Variants in KPNA7 observed in about 807,000 individuals in gnomAD.
KPNA7 encodes the protein importin subunit alpha-8.
Under a neutral mutation model 53.7 loss-of-function variants are expected in KPNA7, and 54 were observed. The observed-to-expected ratio is 1.01, with a 90% confidence interval of 0.81 to 1.26. The LOEUF (loss-of-function observed/expected upper bound fraction) is 1.26. Ranked by LOEUF, KPNA7 falls within the 50% of genes most tolerant of loss-of-function variation. The pLI is 0.00. For synonymous variants in KPNA7, 276 were observed against 259.3 expected, an observed-to-expected ratio of 1.06 and a Z score of -0.62; for missense variants, 640 against 644.5, an observed-to-expected ratio of 0.99 and a Z score of 0.07.
chr7:99,194,998 C>G, intron 5 of KPNA7, 72 bp downstream of exon 5: 1 of 1,478,782 alleles, frequency 6.8e-7, no homozygotes, highest in Non-Finnish European at 9.1e-7. Flanking sequence ...TATACCCCAC[C>G]ACCCAAAGAA....
Position 99,203,157 on chromosome 7 carries a change from G to A in KPNA7, c.150C>T (p.Ile50=), listed in dbSNP as rs1189335432. 1 of 1,551,642 alleles carries A rather than the reference G, an allele frequency of 6.4e-7. No individual in the cohort carries two copies. Among genetic ancestry groups the A allele is most frequent in the Admixed American group, 2.0e-5 (1 of 50,970 alleles). The change falls in exon 3 of 11, where the codon ATC becomes ATT. Residue 50 remains isoleucine (I), a synonymous_variant. Transcript: ENST00000327442. ...KDEQTLKRRN[I]TSFCPDTPSE... is the part of the protein sequence containing the mutation. ...AAGGTGTGTCAGGGCAGAAGCTCGTGATATTCCTTCTCTTTAAGGTCTGTT... is the reference window on the plus strand; with the variant it reads ...AAGGTGTGTCAGGGCAGAAGCTCGTAATATTCCTTCTCTTTAAGGTCTGTT...
intron 6 of KPNA7, 46 bp downstream of exon 6, chr7:99,192,973 A>T: frequency 7.5e-7 from 1 of 1,340,396 alleles, no homozygotes; most frequent in East Asian, 2.6e-5. Context: ...GATTATTTTA[A>T]AATTTTAATT....
intron 1 of KPNA7, among the ~76,000 whole-genome samples, chr7:99,217,330 T>C (rs1344408528): frequency 6.6e-6 from 1 of 152,216 alleles, no homozygotes; most frequent in East Asian, 1.9e-4. Context: ...TGGACATCAT[T>C]TGATATCTGT....
At chr7:99,215,466 G>T (rs1439282968) in intron 1 of KPNA7, among the ~76,000 whole-genome samples, 1 of 149,930 alleles carries the variant, frequency 6.7e-6, no homozygotes, top group Non-Finnish European at 1.5e-5. Context: ...CTCAGCTGCA[G>T]ATGAGACAGG....
intron 7 of KPNA7, among the ~76,000 whole-genome samples, chr7:99,186,326 C>T (rs191070001): frequency 6.6e-6 from 1 of 152,270 alleles, no homozygotes; most frequent in Admixed American, 6.5e-5. Flanking sequence ...GTGGCAGCCC[C>T]AGTAAAGCCC....
chr7:99,168,355 T>A, the KPNA7 span, among the ~76,000 whole-genome samples: 1 of 152,152 alleles, frequency 6.6e-6, no homozygotes, highest in Non-Finnish European at 1.5e-5. Context: ...TAGCCAGCAC[T>A]CTGAGGGATG....
the KPNA7 span, among the ~76,000 whole-genome samples, chr7:99,150,374 C>T: frequency 6.6e-6 from 1 of 150,928 alleles, no homozygotes; most frequent in Non-Finnish European, 1.5e-5. Flanking sequence ...GCTGGGATTA[C>T]AGGCGCAGTG....
At chr7:99,197,013 T>A (rs1405905773) in intron 3 of KPNA7, among the ~76,000 whole-genome samples, 1 of 148,344 alleles carries the variant, frequency 6.7e-6, no homozygotes, top group Non-Finnish European at 1.5e-5. Context: ...GCTATGCATA[T>A]GCTTAAAAAC....
At chr7:99,161,100 G>A in the KPNA7 span, among the ~76,000 whole-genome samples, 1 of 152,120 alleles carries the variant, frequency 6.6e-6, no homozygotes, top group Non-Finnish European at 1.5e-5. Context: ...AACCTCAAGT[G>A]ACGTGCTCAC....
downstream of KPNA7, among the ~76,000 whole-genome samples, chr7:99,173,075 A>G (rs1366891433): frequency 4.6e-5 from 7 of 151,586 alleles, no homozygotes; most frequent in Non-Finnish European, 5.9e-5. Context: ...AAAAAAAAAA[A>G]AAAAAAAAAG....
intron 8 of KPNA7, among the ~76,000 whole-genome samples, chr7:99,183,867 GAC>G (rs767423165): frequency 6.6e-6 from 1 of 151,874 alleles, no homozygotes; most frequent in African/African-American, 2.4e-5. Flanking sequence ...GTTTTTTTGC[GAC>G]AGTTTTACTC....
At chr7:99,183,238 C>T (rs1348643504) in intron 8 of KPNA7, among the ~76,000 whole-genome samples, 5 of 151,414 alleles carry the variant, frequency 3.3e-5, no homozygotes, top group Non-Finnish European at 7.4e-5. Flanking sequence ...GGTGACAGAG[C>T]GAGACTCCAT....
chr7:99,201,842 G>A (rs1480068954), intron 3 of KPNA7, among the ~76,000 whole-genome samples: 3 of 151,770 alleles, frequency 2.0e-5, no homozygotes, highest in Non-Finnish European at 4.4e-5. Flanking sequence ...TGAGTAGCTG[G>A]GATTACAGGC....
downstream of KPNA7, among the ~76,000 whole-genome samples, chr7:99,169,402 T>C (rs1228171191): frequency 1.3e-5 from 2 of 150,732 alleles, no homozygotes; most frequent in Non-Finnish European, 3.0e-5. Flanking sequence ...GGCAGATCAC[T>C]TGAGGTCAGG....
chr7:99,197,122 G>A (rs1368931388), intron 3 of KPNA7, among the ~76,000 whole-genome samples: 6 of 152,138 alleles, frequency 3.9e-5, no homozygotes, highest in Non-Finnish European at 5.9e-5. Flanking sequence ...GAAGGCTTAC[G>A]TCAGAATTGT....
intron 5 of KPNA7, among the ~76,000 whole-genome samples, chr7:99,194,729 G>A (rs868264485): frequency 7.2e-5 from 11 of 151,942 alleles, no homozygotes; most frequent in Non-Finnish European, 1.3e-4. Context: ...TCAGCCTCCC[G>A]AGTAGCTGGG....
chr7:99,210,161 C>CATT (rs1246971488), upstream of KPNA7, among the ~76,000 whole-genome samples: 1 of 152,194 alleles, frequency 6.6e-6, no homozygotes, highest in Non-Finnish European at 1.5e-5. Flanking sequence ...TTTCCTTGAT[C>CATT]ATTGTGTTCT....
chr7:99,195,989 T>C lies in KPNA7; in HGVS notation c.284+95A>G, dbSNP rs998438791. 2.0e-5 allele frequency: 20 copies of C among 977,622 alleles called. No individual in the cohort carries two copies. In the Middle Eastern group the frequency reaches 1.9e-3, roughly 91 times the overall value. The allele number at this position is 977,622 out of a possible 1,614,324, so 60.6% of individuals were successfully genotyped here. ...CTGTGTTTTACGGGCATGTTGCCAA[T>C]GCCAAGAAACCAAATAGGCCACCGG... On this transcript the variant is annotated intron_variant, in intron 4 of 10. Coordinates refer to ENST00000327442, the MANE Select transcript of KPNA7 (RefSeq NM_001145715.3).
At chr7:99,150,423 C>CTTTTTTTTTT in the KPNA7 span, among the ~76,000 whole-genome samples, 112,667 of 132,058 alleles carry the variant, frequency 0.85, 49,005 homozygotes, top group Non-Finnish European at 0.91. Flanking sequence ...TCATTCTTCT[C>CTTTTTTTTTT]TTTTTTTTGA....
Sources: allele counts gnomAD v4.1 joint callset (sites outside exome capture counted in the v4.1 genomes callset), GRCh38; gene constraint gnomAD v4.1.1; transcripts MANE v1.5; gene names NCBI Gene and HGNC (gene_info 2026-07-23, HGNC 2026-07-21).